The following POLR3B variants were observed in gnomAD, a reference collection of about 807,000 sequenced individuals.
POLR3B encodes the protein DNA-directed RNA polymerase III subunit RPC2.
POLR3B carries 96 observed loss-of-function variants against 147.4 expected under a neutral mutation model. The ratio of observed to expected loss-of-function variants is 0.65; its 90% confidence interval spans 0.55 to 0.77. The LOEUF (loss-of-function observed/expected upper bound fraction) is 0.77, where lower values mean the gene tolerates loss of function less well. POLR3B is among the 30% of genes least tolerant of loss of function. The pLI is 0.00. For missense variants in POLR3B, 1,036 were observed against 1,413.5 expected, an observed-to-expected ratio of 0.73 and a Z score of 4.28; for synonymous variants, 461 against 485.9, an observed-to-expected ratio of 0.95 and a Z score of 0.67.
At chr12:106,415,950 A>G (rs961970313) in intron 12 of POLR3B, among the ~76,000 whole-genome samples, 2 of 152,140 alleles carry the variant, frequency 1.3e-5, no homozygotes, top group African/African-American at 2.4e-5. Flanking sequence ...CTATGCATAT[A>G]CAAATATCTT....
chr12:106,386,414 A>G lies in POLR3B; in HGVS notation c.723+6275A>G, dbSNP rs111452379. On this transcript the variant is annotated intron_variant, in intron 9 of 27. Coordinates refer to ENST00000228347, the MANE Select transcript of POLR3B (RefSeq NM_018082.6). The stretch of plus-strand genomic sequence containing the variant: ...CTCCAGCAGAGGGCAGTATGTTCCC[A>G]TGCATCCAAAGGACTTTTTTTTTTA... Among the ~76,000 whole-genome samples the G allele has an allele frequency of 8.8e-4, 133 of 151,728 alleles. 2 individuals carry two copies. The highest frequency in any genetic ancestry group is 2.9e-3 in the African/African-American group (118 of 41,268).
intron 2 of POLR3B, among the ~76,000 whole-genome samples, chr12:106,364,673 C>T (rs1337238411): frequency 6.6e-6 from 1 of 152,208 alleles, no homozygotes; most frequent in Non-Finnish European, 1.5e-5. Context: ...CAGTATTATT[C>T]ATAATAGCCA....
intron 18 of POLR3B, among the ~76,000 whole-genome samples, chr12:106,441,125 T>G (rs1019005428): frequency 3.3e-5 from 5 of 152,118 alleles, no homozygotes; most frequent in African/African-American, 1.2e-4. Flanking sequence ...CACACATGAT[T>G]CCACACAATG....
chr12:106,432,411 G>A lies in POLR3B; in HGVS notation c.1558G>A (p.Val520Ile), dbSNP rs2037522181. The change falls in exon 15 of 28, where the codon GTA becomes ATA. Residue 520 changes from valine to isoleucine, a missense_variant. Coordinates refer to ENST00000228347, the MANE Select transcript of POLR3B (RefSeq NM_018082.6). ...PIVKLASNLG[V>I]EDVNLLCGEE... is the part of the protein sequence containing the mutation. ...TGTTAAATTAGCCAGTAACTTGGGA[G>A]TAGAAGATGTGAATTTATTATGTGG... 1.9e-6 allele frequency: 3 copies of A among 1,613,172 alleles called. No individual in the cohort carries two copies. Among genetic ancestry groups the A allele is most frequent in the African/African-American group, 2.7e-5 (2 of 74,914 alleles).
At chr12:106,366,369 C>A in intron 2 of POLR3B, 147 bp from the exon 3 acceptor site, 2 of 678,378 alleles carry the variant, frequency 2.9e-6, no homozygotes, top group East Asian at 2.7e-5. Context: ...AAATAAAATT[C>A]ATGGATTATT....
At chr12:106,489,520 CT>C (rs1163534708) in intron 23 of POLR3B, among the ~76,000 whole-genome samples, 1 of 152,040 alleles carries the variant, frequency 6.6e-6, no homozygotes, top group African/African-American at 2.4e-5. Flanking sequence ...TTGAATGTTT[CT>C]TAGAAGAAAA....
At chr12:106,498,475 C>G (rs548014190) in intron 25 of POLR3B, among the ~76,000 whole-genome samples, 1 of 152,244 alleles carries the variant, frequency 6.6e-6, no homozygotes, top group South Asian at 2.1e-4. Flanking sequence ...TTAAGACACA[C>G]TTAGGTATTT....
intron 8 of POLR3B, among the ~76,000 whole-genome samples, chr12:106,378,968 T>C (rs2036720356): frequency 6.6e-6 from 1 of 152,182 alleles, no homozygotes; most frequent in Non-Finnish European, 1.5e-5. Flanking sequence ...GTGGCATAGA[T>C]AAGATGTGAG....
At chr12:106,484,629 T>C (rs1455277530) in intron 23 of POLR3B, among the ~76,000 whole-genome samples, 1 of 151,440 alleles carries the variant, frequency 6.6e-6, no homozygotes. Flanking sequence ...AACAGGATAA[T>C]TGAAGGTAAT....
intron 25 of POLR3B, among the ~76,000 whole-genome samples, chr12:106,497,374 A>G (rs546233613): frequency 6.6e-6 from 1 of 152,196 alleles, no homozygotes; most frequent in South Asian, 2.1e-4. Context: ...TGGTAAGATT[A>G]TAATTTGGAA....
chr12:106,421,107 T>A (rs1434794407), intron 12 of POLR3B, among the ~76,000 whole-genome samples: 1 of 152,196 alleles, frequency 6.6e-6, no homozygotes, highest in African/African-American at 2.4e-5. Flanking sequence ...TATTGTTGCA[T>A]GTTACTGTAG....
At chr12:106,503,095 T>C (rs1236918834) in intron 26 of POLR3B, among the ~76,000 whole-genome samples, 1 of 152,100 alleles carries the variant, frequency 6.6e-6, no homozygotes, top group Non-Finnish European at 1.5e-5. Context: ...AACTACCCAT[T>C]TGTGTTTCTA....
intron 23 of POLR3B, among the ~76,000 whole-genome samples, chr12:106,468,831 T>C (rs1038770332): frequency 6.6e-6 from 1 of 152,212 alleles, no homozygotes; most frequent in African/African-American, 2.4e-5. Context: ...TTCTGTTCTT[T>C]TACATTTGCT....
chr12:106,505,517 G>A (rs2038672902), intron 27 of POLR3B, among the ~76,000 whole-genome samples: 1 of 152,024 alleles, frequency 6.6e-6, no homozygotes, highest in South Asian at 2.1e-4. Flanking sequence ...CAAACTCCTG[G>A]GCTCAAGTGA....
chr12:106,375,947 C>T (rs764764462), intron 6 of POLR3B, among the ~76,000 whole-genome samples: 5 of 152,082 alleles, frequency 3.3e-5, no homozygotes, highest in Non-Finnish European at 5.9e-5. Context: ...CAAGTTCAAG[C>T]GATTCTCCTG....
At chr12:106,377,379 A>G (rs1347658465) in intron 7 of POLR3B, among the ~76,000 whole-genome samples, 1 of 152,220 alleles carries the variant, frequency 6.6e-6, no homozygotes, top group Non-Finnish European at 1.5e-5. Flanking sequence ...GAAGAATGTG[A>G]CTTTACTAGA....
intron 9 of POLR3B, among the ~76,000 whole-genome samples, chr12:106,384,536 T>G (rs997527425): frequency 6.6e-6 from 1 of 152,196 alleles, no homozygotes; most frequent in Non-Finnish European, 1.5e-5. Context: ...CAGCTGAGAT[T>G]GAACAAGGCA....
intron 13 of POLR3B, among the ~76,000 whole-genome samples, chr12:106,429,583 A>G (rs1234193185): frequency 6.6e-6 from 1 of 152,116 alleles, no homozygotes; most frequent in Non-Finnish European, 1.5e-5. Context: ...TATATTTAAA[A>G]TAATACAACA....
chr12:106,394,039 C>T (rs562788016), intron 10 of POLR3B, among the ~76,000 whole-genome samples: 1 of 152,300 alleles, frequency 6.6e-6, no homozygotes, highest in East Asian at 1.9e-4. Flanking sequence ...TATGTAAACT[C>T]TGGGCTGCTT....
Sources: allele counts gnomAD v4.1 joint callset (sites outside exome capture counted in the v4.1 genomes callset), GRCh38; gene constraint gnomAD v4.1.1; transcripts MANE v1.5; gene names NCBI Gene and HGNC (gene_info 2026-07-23, HGNC 2026-07-21).